Variants in LIMCH1 observed in about 807,000 individuals in gnomAD.
LIMCH1 encodes the protein LIM and calponin homology domains-containing protein 1.
A neutral mutation model predicts 176.5 loss-of-function variants in LIMCH1; 113 were observed. That is an observed-to-expected ratio of 0.64 (90% confidence interval 0.55 to 0.75). The LOEUF is 0.75. Among genes scored for constraint, LIMCH1 ranks in the 30% least tolerant of loss-of-function variants. The probability of loss-of-function intolerance (pLI) is 0.00; values close to 1 mark genes in which losing one functional copy is unlikely to be tolerated. For synonymous variants in LIMCH1, 619 were observed against 645.9 expected (o/e 0.96, Z 0.63); for missense variants, 1,674 against 1,814.9 (o/e 0.92, Z 1.41).
chr4:41,371,041 C>T (rs1285789092), intron 1 of LIMCH1, among the ~76,000 whole-genome samples: 1 of 152,232 alleles, frequency 6.6e-6, no homozygotes, highest in African/African-American at 2.4e-5. Context: ...TTATCCTTAA[C>T]AGCTGCTCCG....
In LIMCH1 at chr4:41,697,519, T is replaced by C. The variant is rs1731500331; in HGVS notation, c.*334T>C. The C allele has an allele frequency of 4.2e-5, 12 of 288,964 alleles. No homozygotes were observed. In the East Asian group the frequency reaches 7.0e-4, roughly 17 times the overall value. 17.9% of individuals were successfully genotyped at this position (288,964 alleles called of 1,614,324 possible). A position where few individuals can be genotyped will look rare whatever the true frequency, so the allele number is the denominator to read the frequency against. On this transcript the variant is annotated 3_prime_UTR_variant, in exon 32 of 32. Transcript: ENST00000503057. ...TCTTCTTTGGGAATTAGCTAAATGATGCAATAAACCTGTTTTGTTTTAGAA... is the reference window on the plus strand; with the variant it reads ...TCTTCTTTGGGAATTAGCTAAATGACGCAATAAACCTGTTTTGTTTTAGAA...
chr4:41,360,809 C>A lies in LIMCH1; in HGVS notation c.-32C>A. 1.3e-6 allele frequency: 2 copies of A among 1,498,682 alleles called. No individual in the cohort carries two copies. Among genetic ancestry groups the A allele is most frequent in the Non-Finnish European group, 1.8e-6 (2 of 1,119,238 alleles). 92.8% of individuals were successfully genotyped at this position (1,498,682 alleles called of 1,614,324 possible). A position where few individuals can be genotyped will look rare whatever the true frequency, so the allele number is the denominator to read the frequency against. Reference sequence around the variant, plus strand: ...CGGCGACGGCGGCGGCCGTCCTCATCCCGGCGCTTGAGAGGACGCGGGGCT... The same window carrying A: ...CGGCGACGGCGGCGGCCGTCCTCATACCGGCGCTTGAGAGGACGCGGGGCT... On this transcript the variant is annotated 5_prime_UTR_variant, in exon 1 of 27. Coordinates refer to the LIMCH1 transcript ENST00000313860. The surrounding 1 kb of genome is among the most constrained non-coding windows in gnomAD (Gnocchi z 4.5).
At chr4:41,448,620 A>G (rs2063519877) in intron 1 of LIMCH1, among the ~76,000 whole-genome samples, 1 of 152,150 alleles carries the variant, frequency 6.6e-6, no homozygotes, top group African/African-American at 2.4e-5. Context: ...TAAAATATGC[A>G]AATCATGCTT....
intron 1 of LIMCH1, among the ~76,000 whole-genome samples, chr4:41,585,417 A>G (rs1363752286): frequency 6.6e-6 from 1 of 152,184 alleles, no homozygotes; most frequent in Non-Finnish European, 1.5e-5. Flanking sequence ...ATTCCATTGT[A>G]TGTATAGACC....
chr4:41,526,927 A>T (rs2076721275), intron 3 of LIMCH1, among the ~76,000 whole-genome samples: 1 of 152,204 alleles, frequency 6.6e-6, no homozygotes, highest in South Asian at 2.1e-4. Flanking sequence ...GGACTATAAT[A>T]GTTGACTCAC....
chr4:41,650,579 A>T lies in LIMCH1; in HGVS notation c.3007A>T (p.Lys1003Ter). The T allele has an allele frequency of 6.2e-7, 1 of 1,613,944 alleles. No individual in the cohort carries two copies. Among genetic ancestry groups the T allele is most frequent in the Non-Finnish European group, 8.5e-7 (1 of 1,179,966 alleles). Residue 1003 changes from lysine to a stop codon, truncating the protein, a stop_gained, in exon 18 of 32, where the codon AAG (lysine) becomes TAG (stop). Transcript: ENST00000503057. LOFTEE classifies it high-confidence loss of function. ...CGGTAGCATCGAGATCAACATAAAGAAGCCAAACTCTGTTCCCCAAGAGCT... is the reference window on the plus strand; with the variant it reads ...CGGTAGCATCGAGATCAACATAAAGTAGCCAAACTCTGTTCCCCAAGAGCT... ...DNGSIEINIK[K>*]PNSVPQELAA...
At chr4:41,374,871 C>CGAG (rs1257363339) in intron 1 of LIMCH1, among the ~76,000 whole-genome samples, 1 of 152,192 alleles carries the variant, frequency 6.6e-6, no homozygotes, top group Non-Finnish European at 1.5e-5. Context: ...AGAGCGACTC[C>CGAG]AGTCCTCAAG....
chr4:41,384,227 C>T (rs1048750984), intron 1 of LIMCH1, among the ~76,000 whole-genome samples: 7 of 150,522 alleles, frequency 4.7e-5, no homozygotes, highest in East Asian at 3.9e-4. Context: ...TTTTTTGAGA[C>T]GGAGTCTTGC....
chr4:41,603,945 C>G (rs769190649), intron 3 of LIMCH1, 40 bp downstream of exon 3: 2 of 1,558,906 alleles, frequency 1.3e-6, no homozygotes, highest in Non-Finnish European at 1.8e-6. Flanking sequence ...TTTGATGGTT[C>G]AAGTGTAAAA....
upstream of LIMCH1, among the ~76,000 whole-genome samples, chr4:41,534,881 G>A (rs998554506): frequency 1.3e-5 from 2 of 152,092 alleles, no homozygotes; most frequent in Non-Finnish European, 2.9e-5. Context: ...ATGACAGAAA[G>A]ACCGGTGCAG....
intron 1 of LIMCH1, among the ~76,000 whole-genome samples, chr4:41,384,399 G>T (rs928099556): frequency 2.0e-5 from 3 of 151,648 alleles, no homozygotes; most frequent in Admixed American, 6.6e-5. Context: ...TAGTAGAGAC[G>T]GGGTTTCACC....
intron 1 of LIMCH1, among the ~76,000 whole-genome samples, chr4:41,446,075 C>T (rs1027706939): frequency 6.6e-6 from 1 of 152,128 alleles, no homozygotes; most frequent in East Asian, 1.9e-4. Context: ...ATAGGTTCTT[C>T]TTGTCAAAGG....
At chr4:41,395,827 G>A (rs1468834614) in intron 1 of LIMCH1, among the ~76,000 whole-genome samples, 13 of 152,220 alleles carry the variant, frequency 8.5e-5, no homozygotes, top group South Asian at 6.2e-4. Context: ...AGGTTCTAGA[G>A]GGTAAAGACA....
chr4:41,606,073 T>C, intron 4 of LIMCH1, 69 bp downstream of exon 4: 1 of 1,108,490 alleles, frequency 9.0e-7, no homozygotes, highest in Non-Finnish European at 1.4e-6. Flanking sequence ...TTTGCTTGTT[T>C]TTAAGATTAC....
At chr4:41,394,658 G>GAGTC (rs1290526029) in intron 1 of LIMCH1, among the ~76,000 whole-genome samples, 1 of 152,150 alleles carries the variant, frequency 6.6e-6, no homozygotes, top group Non-Finnish European at 1.5e-5. Flanking sequence ...TCCTTATTAT[G>GAGTC]AGTCACCTTA....
intron 1 of LIMCH1, among the ~76,000 whole-genome samples, chr4:41,409,277 G>A (rs1171473015): frequency 6.6e-6 from 1 of 152,080 alleles, no homozygotes; most frequent in Non-Finnish European, 1.5e-5. Context: ...TATGACTCAT[G>A]AGCAGCTGAA....
chr4:41,385,784 T>C (rs2056415483), intron 1 of LIMCH1: 2 of 152,248 alleles, frequency 1.3e-5, no homozygotes, highest in South Asian at 2.1e-4. Context: ...ATTTGTTTTT[T>C]CTCATAAGGA....
chr4:41,405,105 C>T lies in LIMCH1; in HGVS notation c.96+44169C>T, dbSNP rs1302734757. Among the ~76,000 whole-genome samples, 13 of 152,104 alleles carry T rather than the reference C, an allele frequency of 8.5e-5. No individual in the cohort carries two copies. The South Asian group carries it at 2.1e-3, about 24-fold the overall frequency. The stretch of plus-strand genomic sequence containing the variant: ...ATTTCTTAAATTCCTTCAGGGTGTG[C>T]ACCTGATCTGTTTTCTTTACCGTAC... On this transcript the variant is annotated intron_variant, in intron 1 of 26. Coordinates refer to the LIMCH1 transcript ENST00000313860.
In LIMCH1 at chr4:41,557,260, A is replaced by G. The variant is rs527531156; in HGVS notation, c.-241+18910A>G. On this transcript the variant is annotated intron_variant, in intron 1 of 31. Coordinates refer to ENST00000503057, the MANE Select transcript of LIMCH1 (RefSeq NM_001330672.2). Reference sequence around the variant, plus strand: ...TATAAGGACTAGGCATCAAGTGGTCATCATGACCAACAATGTCATAAATGC... The same window carrying G: ...TATAAGGACTAGGCATCAAGTGGTCGTCATGACCAACAATGTCATAAATGC... Among the ~76,000 whole-genome samples the G allele has an allele frequency of 3.9e-5, 6 of 152,340 alleles. No homozygotes were observed. In the South Asian group the frequency reaches 1.0e-3, roughly 26 times the overall value.
Sources: allele counts gnomAD v4.1 joint callset (sites outside exome capture counted in the v4.1 genomes callset), GRCh38; gene constraint gnomAD v4.1.1; non-coding constraint Gnocchi (gnomAD v3.1); transcripts MANE v1.5; gene names NCBI Gene and HGNC (gene_info 2026-07-23, HGNC 2026-07-21).